Variants in CES1 observed in about 807,000 individuals in gnomAD.
CES1 encodes carboxylesterase 1.
In CES1, 50 loss-of-function variants were observed where a neutral mutation model predicts 53.0. That is an observed-to-expected ratio of 0.94 (90% CI 0.75 to 1.19). The LOEUF is 1.19. CES1 is among the 50% of genes most tolerant of loss of function. The pLI is 0.00. For missense variants in CES1, 534 were observed against 538.0 expected, an observed-to-expected ratio of 0.99 and a Z score of 0.07; for synonymous variants, 202 against 210.1, an observed-to-expected ratio of 0.96 and a Z score of 0.33.
intron 3 of CES1, among the ~76,000 whole-genome samples, chr16:55,825,296 C>A (rs1204900571): frequency 6.6e-6 from 1 of 152,226 alleles, no homozygotes; most frequent in Non-Finnish European, 1.5e-5. Flanking sequence ...CCTGCTCCCC[C>A]ACTCCTAGGC....
chr16:55,830,815 A>AAGGAAGGAAGGAAGGAAGGAAGGC (rs1567509472), intron 1 of CES1, among the ~76,000 whole-genome samples: 1 of 123,660 alleles, frequency 8.1e-6, no homozygotes, highest in African/African-American at 3.9e-5. Context: ...GGAAGGAAGG[A>AAGGAAGGAAGGAAGGAAGGAAGGC]AGGAAGGCAG....
chr16:55,831,236 C>T (rs1448928758), intron 1 of CES1, among the ~76,000 whole-genome samples: 5 of 152,126 alleles, frequency 3.3e-5, no homozygotes, highest in Non-Finnish European at 5.9e-5. Flanking sequence ...AGAACGTTCC[C>T]ATGTCTTTGA....
chr16:55,817,124 A>G (rs1454283249), intron 7 of CES1, among the ~76,000 whole-genome samples, 162 bp from the exon 8 acceptor site: 2 of 152,178 alleles, frequency 1.3e-5, no homozygotes, highest in Non-Finnish European at 2.9e-5. Flanking sequence ...CATGAATATT[A>G]GTTCAGGGAT....
intron 3 of CES1, 82 bp downstream of exon 3, chr16:55,826,069 G>T: frequency 1.3e-6 from 2 of 1,571,648 alleles, no homozygotes; most frequent in Non-Finnish European, 1.8e-6. Context: ...TCCCCAAGCT[G>T]CCTTCACTCC....
rs1261353176 is a variant in CES1, at chr16:55,820,538, T to A, written c.694-59A>T. ...CTCAGGAGTGGGGTCAGTGACTCAC[T>A]CGCTATTCCAGGCTAGATCTACTCC... On this transcript the variant is annotated intron_variant, in intron 5 of 13. Coordinates refer to ENST00000360526, the MANE Select transcript of CES1 (RefSeq NM_001025195.2). 8.1e-6 allele frequency: 13 copies of A among 1,610,856 alleles called. No individual in the cohort carries two copies. The African/African-American group carries it at 1.6e-4, about 20-fold the overall frequency.
At chr16:55,817,020 G>C in intron 7 of CES1, 58 bp from the exon 8 acceptor site, 1 of 1,577,468 alleles carries the variant, frequency 6.3e-7, no homozygotes, top group Non-Finnish European at 8.7e-7. Flanking sequence ...ACACTGAGCT[G>C]GGTGAGTGGG....
intron 1 of CES1, among the ~76,000 whole-genome samples, chr16:55,830,775 A>T (rs1372887140): frequency 4.3e-5 from 4 of 93,792 alleles, no homozygotes; most frequent in Admixed American, 9.9e-5. Context: ...GGAAGGAAAG[A>T]AGGAAGGAAG....
intron 1 of CES1, among the ~76,000 whole-genome samples, chr16:55,830,936 A>G (rs1371902570): frequency 6.6e-6 from 1 of 152,158 alleles, no homozygotes; most frequent in African/African-American, 2.4e-5. Flanking sequence ...GAAGGGAAAG[A>G]AGACCAAAGA....
At chr16:55,830,823 C>A (rs4784573) in intron 1 of CES1, among the ~76,000 whole-genome samples, 37,010 of 74,838 alleles carry the variant, frequency 0.49, 6,190 homozygotes, top group Non-Finnish European at 0.52. Context: ...GGAAGGAAGG[C>A]AGGCAGGCAG....
intron 10 of CES1, 99 bp downstream of exon 10, chr16:55,810,828 G>C: frequency 7.1e-7 from 1 of 1,399,620 alleles, no homozygotes; most frequent in Non-Finnish European, 1.0e-6. Context: ...AAACCCTGAG[G>C]CCCCAGTCTT....
chr16:55,822,606 G>T (rs1330736096), intron 4 of CES1, among the ~76,000 whole-genome samples: 2 of 152,094 alleles, frequency 1.3e-5, no homozygotes, highest in Non-Finnish European at 2.9e-5. Context: ...GGGGAGGAGG[G>T]AGTGAGTGAT....
At position 55,833,056 on chromosome 16, in the gene CES1, C is replaced by G; in HGVS notation, c.-1G>C. On this transcript the variant is annotated 5_prime_UTR_variant, in exon 1 of 14. Coordinates refer to ENST00000360526, the MANE Select transcript of CES1 (RefSeq NM_001025195.2). ...CCAGGATAAAGGCACGGAGCCACAT[C>G]GTGGAAGGGCGACAGTTCTCGGGGC... The G allele has an allele frequency of 1.3e-6, 2 of 1,558,656 alleles. No homozygotes were observed. Among genetic ancestry groups the G allele is most frequent in the Non-Finnish European group, 1.8e-6 (2 of 1,138,914 alleles).
In CES1 at chr16:55,811,019, A is replaced by C. The variant is rs760420840; in HGVS notation, c.1087-9T>G. 2 of 1,606,774 alleles carry C rather than the reference A, an allele frequency of 1.2e-6. No homozygotes were observed. Among genetic ancestry groups the C allele is most frequent in the Admixed American group, 1.7e-5 (1 of 59,792 alleles). On this transcript the variant is annotated splice_polypyrimidine_tract_variant and intron_variant, in intron 9 of 13. Coordinates refer to ENST00000360526, the MANE Select transcript of CES1 (RefSeq NM_001025195.2). ...GGATAGCTCATCAACTGCTAAAAAA[A>C]AAAAAAAGTTCAGCATTTATGAATC...
intron 1 of CES1, among the ~76,000 whole-genome samples, 199 bp downstream of exon 1, chr16:55,832,805 A>T (rs1475820681): frequency 6.6e-6 from 1 of 152,186 alleles, no homozygotes; most frequent in African/African-American, 2.4e-5. Flanking sequence ...CGATCTCAGG[A>T]TGTTCACCCT....
chr16:55,823,052 C>T (rs1440870568), intron 4 of CES1, among the ~76,000 whole-genome samples: 1 of 152,140 alleles, frequency 6.6e-6, no homozygotes, highest in African/African-American at 2.4e-5. Context: ...GGTCCCAACA[C>T]TCCCACAGGA....
intron 1 of CES1, among the ~76,000 whole-genome samples, chr16:55,829,324 A>G (rs2032549686): frequency 6.6e-6 from 1 of 152,262 alleles, no homozygotes; most frequent in African/African-American, 2.4e-5. Context: ...TGAGAGGATG[A>G]AAAAGGGGTG....
At chr16:55,810,490 C>G in intron 11 of CES1, 27 bp downstream of exon 11, 1 of 1,613,850 alleles carries the variant, frequency 6.2e-7, no homozygotes, top group Non-Finnish European at 8.5e-7. Flanking sequence ...GGGTTTGTGT[C>G]CCTCCCGTTC....
At chr16:55,816,869 G>C (rs2031965294) in intron 8 of CES1, 55 bp downstream of exon 8, 7 of 1,548,396 alleles carry the variant, frequency 4.5e-6, no homozygotes, top group Non-Finnish European at 6.3e-6. Context: ...CAGTTAATTG[G>C]AGCTTAAAGG....
At chr16:55,829,045 C>A in intron 1 of CES1, 71 bp from the exon 2 acceptor site, 1 of 1,522,072 alleles carries the variant, frequency 6.6e-7, no homozygotes, top group Non-Finnish European at 8.9e-7. Context: ...TGGAGTTTGC[C>A]GCTTTCTAAG....
Sources: gnomAD v4.1 joint callset for allele counts (sites outside exome capture counted in the v4.1 genomes callset) on GRCh38, gnomAD v4.1.1 for gene constraint, MANE v1.5 for transcripts, NCBI Gene and HGNC (gene_info 2026-07-23, HGNC 2026-07-21) for gene names.